The following PEPD variants were observed in gnomAD, a reference collection of about 807,000 sequenced individuals.
The protein encoded by PEPD is peptidase D, also known as xaa-Pro dipeptidase.
PEPD carries 53 observed loss-of-function variants against 60.7 expected under a neutral mutation model. The observed-to-expected ratio is 0.87, with a 90% CI of 0.70 to 1.10. PEPD has a LOEUF of 1.10. Ranked by LOEUF, PEPD falls within the 50% of genes least tolerant of loss-of-function variation. The probability of loss-of-function intolerance (pLI) is 0.00; values close to 1 mark genes in which losing one functional copy is unlikely to be tolerated. For synonymous variants in PEPD, 267 were observed against 284.1 expected, an observed-to-expected ratio of 0.94 and a Z score of 0.60; for missense variants, 711 against 711.9, an observed-to-expected ratio of 1.00 and a Z score of 0.01.
At chr19:33,500,302 C>G (rs944268104) in intron 4 of PEPD, among the ~76,000 whole-genome samples, 2 of 152,230 alleles carry the variant, frequency 1.3e-5, no homozygotes, top group Non-Finnish European at 2.9e-5. Context: ...CAGGGGCTCC[C>G]AGCTGTGCTC....
intron 4 of PEPD, among the ~76,000 whole-genome samples, chr19:33,498,146 T>G (rs1600164306): frequency 6.6e-6 from 1 of 152,100 alleles, no homozygotes; most frequent in Non-Finnish European, 1.5e-5. Flanking sequence ...CATGAAGCGC[T>G]TGCTCTGCTG....
At chr19:33,472,988 C>T (rs1970151777) in intron 7 of PEPD, among the ~76,000 whole-genome samples, 1 of 152,228 alleles carries the variant, frequency 6.6e-6, no homozygotes, top group African/African-American at 2.4e-5. Flanking sequence ...AATAAGTCCT[C>T]TCCAAGAAAC....
At chr19:33,468,266 C>T (rs1970056847) in intron 7 of PEPD, among the ~76,000 whole-genome samples, 1 of 152,236 alleles carries the variant, frequency 6.6e-6, no homozygotes, top group Non-Finnish European at 1.5e-5. Flanking sequence ...AAAGGCCCAC[C>T]CGTGACTCTC....
chr19:33,445,823 G>A (rs1969583978), intron 9 of PEPD, among the ~76,000 whole-genome samples: 1 of 152,172 alleles, frequency 6.6e-6, no homozygotes, highest in South Asian at 2.1e-4. Context: ...AGTCCCACCA[G>A]GCTCAAAGCC....
intron 9 of PEPD, among the ~76,000 whole-genome samples, chr19:33,425,715 C>T (rs1229535649): frequency 1.3e-5 from 2 of 152,062 alleles, no homozygotes; most frequent in African/African-American, 4.8e-5. Context: ...TGAAAGAAAA[C>T]GATTAAGCAG....
intron 10 of PEPD, among the ~76,000 whole-genome samples, chr19:33,412,217 C>T (rs1968793831): frequency 2.0e-5 from 3 of 152,144 alleles, no homozygotes; most frequent in African/African-American, 7.2e-5. Flanking sequence ...TTAGGTGGCT[C>T]ACAGCTGTAA....
intron 9 of PEPD, among the ~76,000 whole-genome samples, chr19:33,459,320 G>A (rs1047618156): frequency 7.2e-5 from 11 of 152,318 alleles, no homozygotes; most frequent in Middle Eastern, 3.4e-3. Flanking sequence ...GTCTCAGGCT[G>A]TCATACACAT....
rs116418605 is a variant in PEPD, at chr19:33,407,380, T to C, written c.818+4292A>G. Among the ~76,000 whole-genome samples the C allele has an allele frequency of 5.0e-3, 757 of 152,312 alleles. 3 individuals carry two copies. The highest frequency in any genetic ancestry group is 0.017 in the African/African-American group (711 of 41,562). On this transcript the variant is annotated intron_variant, in intron 11 of 14. Transcript: ENST00000244137. ...GCGAAGCTTGCTGGCCTGCAGTGGC[T>C]CTGGTGCCCACAGCCCAGGCTGTTT...
At chr19:33,492,043 C>CA (rs757173823) in intron 5 of PEPD, among the ~76,000 whole-genome samples, 18,329 of 81,396 alleles carry the variant, frequency 0.23, 1,489 homozygotes, top group Non-Finnish European at 0.29. Context: ...TATTCCATTT[C>CA]AAAAAAAAAA....
intron 12 of PEPD, among the ~76,000 whole-genome samples, chr19:33,397,406 G>A (rs1968390351): frequency 6.6e-6 from 1 of 152,092 alleles, no homozygotes; most frequent in Non-Finnish European, 1.5e-5. Context: ...CACGAACCCA[G>A]GGCATTTCCG....
chr19:33,445,969 C>G (rs2145242379), intron 9 of PEPD, among the ~76,000 whole-genome samples: 1 of 152,340 alleles, frequency 6.6e-6, no homozygotes, highest in South Asian at 2.1e-4. Context: ...CTCTAGCCTG[C>G]CTGCCCCTGC....
intron 9 of PEPD, among the ~76,000 whole-genome samples, chr19:33,420,590 T>C (rs1162340686): frequency 6.6e-6 from 1 of 151,898 alleles, no homozygotes; most frequent in Non-Finnish European, 1.5e-5. Context: ...TAATCCCAGC[T>C]ACTTGGGAGG....
intron 9 of PEPD, among the ~76,000 whole-genome samples, chr19:33,429,758 T>C (rs1313199017): frequency 6.6e-6 from 1 of 152,058 alleles, no homozygotes; most frequent in Non-Finnish European, 1.5e-5. Flanking sequence ...CACAGAACAA[T>C]AGTACAAAGA....
intron 1 of PEPD, among the ~76,000 whole-genome samples, chr19:33,518,019 T>C (rs1302952838): frequency 2.0e-5 from 3 of 150,970 alleles, no homozygotes; most frequent in Non-Finnish European, 2.9e-5. Context: ...AAGTTCCCAG[T>C]AGGAGAGGCC....
At chr19:33,493,220 G>A in intron 5 of PEPD, 70 bp downstream of exon 5, 1 of 1,080,484 alleles carries the variant, frequency 9.3e-7, no homozygotes, top group South Asian at 1.3e-5. Context: ...ACCTCTGCAG[G>A]AGAGGTGGCC....
chr19:33,436,716 G>A (rs924021920), intron 9 of PEPD, among the ~76,000 whole-genome samples: 5 of 152,352 alleles, frequency 3.3e-5, no homozygotes, highest in African/African-American at 4.8e-5. Flanking sequence ...CTGAGCCAGC[G>A]CTCTGGGGTC....
At position 33,489,978 on chromosome 19, in the gene PEPD, T is replaced by TG; in HGVS notation, c.503+17dup. On this transcript the variant is annotated intron_variant, in intron 6 of 14. Transcript: ENST00000244137. ...TGGGGGATGGTGGGGAAAGAGTCCCTGGGGGCCCAGGACTCACTTGCTGAT... is the reference window on the plus strand; with the variant it reads ...TGGGGGATGGTGGGGAAAGAGTCCCTGGGGGGCCCAGGACTCACTTGCTGAT... 6.5e-7 allele frequency: 1 copy of TG among 1,546,494 alleles called. No individual in the cohort carries two copies. Among genetic ancestry groups the TG allele is most frequent in the Non-Finnish European group, 8.9e-7 (1 of 1,123,898 alleles).
intron 1 of PEPD, among the ~76,000 whole-genome samples, chr19:33,515,688 A>G (rs1971011457): frequency 6.6e-6 from 1 of 150,912 alleles, no homozygotes; most frequent in Non-Finnish European, 1.5e-5. Flanking sequence ...GGACAGCCTC[A>G]GCCACAGTCG....
At chr19:33,503,953 G>A (rs1970756092) in intron 3 of PEPD, among the ~76,000 whole-genome samples, 1 of 152,136 alleles carries the variant, frequency 6.6e-6, no homozygotes, top group South Asian at 2.1e-4. Context: ...ACTGTGCGGA[G>A]GGAAGCCACC....
Sources: allele counts gnomAD v4.1 joint callset (sites outside exome capture counted in the v4.1 genomes callset), GRCh38; gene constraint gnomAD v4.1.1; transcripts MANE v1.5; gene names NCBI Gene and HGNC (gene_info 2026-07-23, HGNC 2026-07-21).